AGMAT: variants seen among roughly 807,000 people sequenced by gnomAD.
AGMAT encodes the protein agmatinase (putative).
Under a neutral mutation model 29.3 loss-of-function variants are expected in AGMAT, and 37 were observed. The observed-to-expected ratio is 1.26, with a 90% CI of 0.97 to 1.66. The LOEUF (loss-of-function observed/expected upper bound fraction) is 1.66, where lower values mean the gene tolerates loss of function less well. AGMAT is among the 40% of genes most tolerant of loss of function. The pLI is 0.00. For synonymous variants in AGMAT, 199 were observed against 200.8 expected, an observed-to-expected ratio of 0.99 and a Z score of 0.08; for missense variants, 498 against 497.8, an observed-to-expected ratio of 1.00 and a Z score of 0.00.
intron 4 of AGMAT, among the ~76,000 whole-genome samples, chr1:15,578,634 T>C (rs539515981): frequency 1.1e-4 from 17 of 151,932 alleles, no homozygotes; most frequent in African/African-American, 4.1e-4. Flanking sequence ...GAGGGGTTGG[T>C]CGATTTCTGC....
chr1:15,576,740 C>CTTTTTTGTGTTTTTTTTTTTTTTTTT (rs1639044248), intron 5 of AGMAT, among the ~76,000 whole-genome samples: 1 of 35,796 alleles, frequency 2.8e-5, no homozygotes, highest in Non-Finnish European at 5.0e-5. Context: ...GTTTAGTGTT[C>CTTTTTTGTGTTTTTTTTTTTTTTTTT]TTTTTTTTTT....
intron 2 of AGMAT, among the ~76,000 whole-genome samples, chr1:15,581,398 G>A (rs1639112026): frequency 1.3e-5 from 2 of 152,060 alleles, no homozygotes; most frequent in South Asian, 4.1e-4. Context: ...AGCTACTCTA[G>A]GAATTGCCTT....
chr1:15,581,561 CTG>C (rs1187307114), intron 2 of AGMAT, among the ~76,000 whole-genome samples: 2 of 150,716 alleles, frequency 1.3e-5, no homozygotes, highest in Non-Finnish European at 3.0e-5. Context: ...ACTTAAGAAA[CTG>C]AATATTTTAT....
rs1373080405 is a variant in AGMAT, at chr1:15,572,476, C to T, written c.*1175G>A. On this transcript the variant is annotated 3_prime_UTR_variant, in exon 7 of 7. Transcript: ENST00000375826. The stretch of plus-strand genomic sequence containing the variant: ...CCGGGTTCAAGCAATGCCCCTGCCT[C>T]AGCTTCCTGAGTAGCTGGGACTATA... 1 of 149,482 alleles carries T rather than the reference C, an allele frequency of 6.7e-6. No individual in the cohort carries two copies. Among genetic ancestry groups the T allele is most frequent in the Non-Finnish European group, 1.5e-5 (1 of 67,720 alleles). The allele number at this position is 149,482 out of a possible 1,614,324, so 9.3% of individuals were successfully genotyped here.
In AGMAT at chr1:15,572,699, T is replaced by C. The variant is rs1421260589; in HGVS notation, c.*952A>G. The C allele has an allele frequency of 1.3e-5, 2 of 152,144 alleles. No individual in the cohort carries two copies. Among genetic ancestry groups the C allele is most frequent in the Admixed American group, 1.3e-4 (2 of 15,244 alleles). The allele number at this position is 152,144 out of a possible 1,614,324, so 9.4% of individuals were successfully genotyped here. Reference sequence around the variant, plus strand: ...TTAGAAGACATTTTGTGTACCCTTCTAGGCCTCTGAGCAAGAAGTTTCTTC... The same window carrying C: ...TTAGAAGACATTTTGTGTACCCTTCCAGGCCTCTGAGCAAGAAGTTTCTTC... On this transcript the variant is annotated 3_prime_UTR_variant, in exon 7 of 7. Transcript: ENST00000375826.
Position 15,578,944 on chromosome 1 carries a change from C to A in AGMAT, c.635G>T (p.Gly212Val), listed in dbSNP as rs1240185144. Reference sequence around the variant, plus strand: ...CACCACACGCTTACAGTCCAGGAGACCCTCATCCACACACCGGCGGAAGGG... The same window carrying A: ...CACCACACGCTTACAGTCCAGGAGAACCTCATCCACACACCGGCGGAAGGG... The part of the protein sequence containing the change: ...GAPFRRCVDE[G>V]LLDCKRVVQI... Residue 212 changes from glycine (G) to valine (V), a missense_variant, in exon 4 of 7, where the codon GGT becomes GTT. By Grantham distance (109) the Gly-to-Val change is moderately radical (BLOSUM62 -3). Coordinates refer to ENST00000375826, the MANE Select transcript of AGMAT (RefSeq NM_024758.5). The A allele has an allele frequency of 6.2e-7, 1 of 1,614,040 alleles. No homozygotes were observed. The highest frequency in any genetic ancestry group is 1.3e-5 in the African/African-American group (1 of 74,902).
chr1:15,580,221 T>TC, intron 2 of AGMAT, 79 bp from the exon 3 acceptor site: 1 of 1,230,398 alleles, frequency 8.1e-7, no homozygotes, highest in South Asian at 1.3e-5. Context: ...TTTTTTTTTT[T>TC]TTGAGATGTA....
chr1:15,584,768 G>A lies in AGMAT; in HGVS notation c.200C>T (p.Ser67Phe), dbSNP rs1639162660. 3 of 1,366,054 alleles carry A rather than the reference G, an allele frequency of 2.2e-6. No individual in the cohort carries two copies. Among genetic ancestry groups the A allele is most frequent in the Non-Finnish European group, 2.8e-6 (3 of 1,055,876 alleles). The allele number at this position is 1,366,054 out of a possible 1,614,324, so 84.6% of individuals were successfully genotyped here. The part of the protein sequence containing the change: ...CSMMRLPVQT[S>F]PEGLDAAFIG... ...GAAGGCAGCGTCCAGCCCCTCGGGG[G>A]AGGTCTGCACCGGCAGGCGCATCAT... is the stretch of plus-strand genomic sequence containing the variant. The change falls in exon 1 of 7, where the codon TCC (serine) becomes TTC (phenylalanine). Residue 67 changes from serine to phenylalanine, a missense_variant. Coordinates refer to ENST00000375826, the MANE Select transcript of AGMAT (RefSeq NM_024758.5).
intron 5 of AGMAT, 71 bp from the exon 6 acceptor site, chr1:15,574,912 T>C: frequency 1.6e-6 from 2 of 1,265,692 alleles, no homozygotes; most frequent in Non-Finnish European, 2.3e-6. Flanking sequence ...GTAGAGCTTT[T>C]CCCAGCCCAC....
In AGMAT at chr1:15,584,852, G is replaced by A. The variant is rs769710114; in HGVS notation, c.116C>T (p.Ala39Val). 9.8e-6 allele frequency: 14 copies of A among 1,426,444 alleles called. No individual in the cohort carries two copies. In the East Asian group the frequency reaches 3.2e-4, roughly 32 times the overall value. 88.4% of individuals were successfully genotyped at this position (1,426,444 alleles called of 1,614,324 possible). Residue 39 changes from alanine (A) to valine (V), a missense_variant, in exon 1 of 7, where the codon GCG becomes GTG. Physicochemically the swap from Ala to Val is moderately conservative, Grantham distance 64 (BLOSUM62 0). Coordinates refer to ENST00000375826, the MANE Select transcript of AGMAT (RefSeq NM_024758.5). ...GRRQSRQASDAPRNQPPSPEF... is the reference protein window; with the variant it reads ...GRRQSRQASDVPRNQPPSPEF... ...GGGGCTGGGGGGCTGGTTCCGGGGC[G>A]CGTCGGAAGCCTGGCGGCTCTGGCG... is the stretch of plus-strand genomic sequence containing the variant.
intron 2 of AGMAT, among the ~76,000 whole-genome samples, chr1:15,581,081 G>A (rs1003994395): frequency 4.6e-5 from 7 of 152,044 alleles, no homozygotes; most frequent in Admixed American, 2.0e-4. Flanking sequence ...AATAAAAATA[G>A]ACCAGGCGCA....
chr1:15,581,523 C>G (rs561298349), intron 2 of AGMAT, among the ~76,000 whole-genome samples: 37 of 151,824 alleles, frequency 2.4e-4, no homozygotes, highest in African/African-American at 8.7e-4. Flanking sequence ...ACATGTGACA[C>G]ACATGTGACA....
chr1:15,578,837 TG>T, intron 4 of AGMAT, 21 bp downstream of exon 4: 2 of 1,609,872 alleles, frequency 1.2e-6, no homozygotes, highest in South Asian at 2.2e-5. Flanking sequence ...GGGGCAAGGG[TG>T]GGGGGCATTC....
rs1244129766 is a variant in AGMAT, at chr1:15,573,535, C to G, written c.*116G>C. Reference sequence around the variant, plus strand: ...CCCGACTTCACAGCCAGCAATGACACTTTCAGCAGAAAGTTTTCTTGGCAT... The same window carrying G: ...CCCGACTTCACAGCCAGCAATGACAGTTTCAGCAGAAAGTTTTCTTGGCAT... On this transcript the variant is annotated 3_prime_UTR_variant, in exon 7 of 7. Coordinates refer to ENST00000375826, the MANE Select transcript of AGMAT (RefSeq NM_024758.5). 3 of 910,390 alleles carry G rather than the reference C, an allele frequency of 3.3e-6. No homozygotes were observed. The African/African-American group carries it at 5.0e-5, about 15-fold the overall frequency. 56.4% of individuals were successfully genotyped at this position (910,390 alleles called of 1,614,324 possible). A position where few individuals can be genotyped will look rare whatever the true frequency, so the allele number is the denominator to read the frequency against.
Position 15,580,088 on chromosome 1 carries a change from A to G in AGMAT, c.524+6T>C. On this transcript the variant is annotated splice_donor_region_variant and intron_variant, in intron 3 of 6. Transcript: ENST00000375826. ...TCTTGCTGGGCCCAAGCCATTTGAG[A>G]CTTACTTTTTTGCCATCGCTTGCAA... 3.1e-6 allele frequency: 5 copies of G among 1,613,144 alleles called. No individual in the cohort carries two copies. The highest frequency in any genetic ancestry group is 3.3e-4 in the Middle Eastern group (2 of 6,060).
At chr1:15,576,740 C>CCTTTTTTTTTTTTTTTT (rs1639043888) in intron 5 of AGMAT, among the ~76,000 whole-genome samples, 1 of 35,796 alleles carries the variant, frequency 2.8e-5, no homozygotes, top group Non-Finnish European at 5.0e-5. Context: ...GTTTAGTGTT[C>CCTTTTTTTTTTTTTTTT]TTTTTTTTTT....
At position 15,572,209 on chromosome 1, in the gene AGMAT, TTTTTGTTTTGTTTTG is replaced by T. The variant is rs567517488; in HGVS notation, c.*1427_*1441del. On this transcript the variant is annotated 3_prime_UTR_variant, in exon 7 of 7. Coordinates refer to ENST00000375826, the MANE Select transcript of AGMAT (RefSeq NM_024758.5). Reference sequence around the variant, plus strand: ...CAGTTTTGTTTTGTTTTCTGGGGTTTTTTTGTTTTGTTTTGTTTTGTTTTGTTTTTTAGTAGAGAC... The same window carrying T: ...CAGTTTTGTTTTGTTTTCTGGGGTTTTTTTGTTTTGTTTTTTAGTAGAGAC... 2 of 151,298 alleles carry T rather than the reference TTTTTGTTTTGTTTTG, an allele frequency of 1.3e-5. No individual in the cohort carries two copies. The highest frequency in any genetic ancestry group is 2.9e-5 in the Non-Finnish European group (2 of 67,878). 9.4% of individuals were successfully genotyped at this position (151,298 alleles called of 1,614,324 possible).
At chr1:15,584,243 A>C (rs1639152680) in intron 1 of AGMAT, among the ~76,000 whole-genome samples, 1 of 152,216 alleles carries the variant, frequency 6.6e-6, no homozygotes, top group African/African-American at 2.4e-5. Context: ...CCCGGGTTCA[A>C]GCGATTCTCC....
rs573774153 is a variant in AGMAT at position 15,584,654 on chromosome 1, A to T, written c.272+42T>A. Reference sequence around the variant, plus strand: ...TTTCCATGCCCGACAGCCAGCAAGCAGTCCCTCCACGTGTACCCGGCCCCC... The same window carrying T: ...TTTCCATGCCCGACAGCCAGCAAGCTGTCCCTCCACGTGTACCCGGCCCCC... On this transcript the variant is annotated intron_variant, in intron 1 of 6. Transcript: ENST00000375826. 1.1e-4 allele frequency: 146 copies of T among 1,271,718 alleles called. 1 individual carries two copies. In the South Asian group the frequency reaches 4.6e-3, roughly 40 times the overall value. 78.8% of individuals were successfully genotyped at this position (1,271,718 alleles called of 1,614,324 possible). A position where few individuals can be genotyped will look rare whatever the true frequency, so the allele number is the denominator to read the frequency against.
Sources: allele counts gnomAD v4.1 joint callset (sites outside exome capture counted in the v4.1 genomes callset), GRCh38; gene constraint gnomAD v4.1.1; transcripts MANE v1.5; gene names NCBI Gene and HGNC (gene_info 2026-07-23, HGNC 2026-07-21).